The following LRRC7 variants were observed in gnomAD, a reference collection of about 807,000 sequenced individuals.
The protein encoded by LRRC7 is leucine rich repeat containing 7, also known as leucine-rich repeat-containing protein 7.
LRRC7 carries 23 observed loss-of-function variants against 175.7 expected under a neutral mutation model. That is an observed-to-expected ratio of 0.13 (90% confidence interval 0.09 to 0.19). The LOEUF (loss-of-function observed/expected upper bound fraction) is 0.19. LRRC7 is among the 10% of genes least tolerant of loss of function. LRRC7 has a pLI of 1.00. For synonymous variants in LRRC7, 685 were observed against 680.9 expected, an observed-to-expected ratio of 1.01 and a Z score of -0.09; for missense variants, 1,354 against 1,904.7, an observed-to-expected ratio of 0.71 and a Z score of 5.38.
chr1:69,694,423 G>A (rs1662293941), intron 2 of LRRC7, among the ~76,000 whole-genome samples: 1 of 152,084 alleles, frequency 6.6e-6, no homozygotes, highest in Admixed American at 6.5e-5. Context: ...GATTTTCCCT[G>A]ATTTTTTTCT....
At chr1:69,804,027 T>C (rs1417901949) in intron 4 of LRRC7, among the ~76,000 whole-genome samples, 1 of 151,370 alleles carries the variant, frequency 6.6e-6, no homozygotes, top group Non-Finnish European at 1.5e-5. Context: ...AATTTCTACT[T>C]TCTACTGCAG....
chr1:69,821,338 G>A (rs982546641), intron 4 of LRRC7, among the ~76,000 whole-genome samples: 1 of 151,752 alleles, frequency 6.6e-6, no homozygotes, highest in African/African-American at 2.4e-5. Flanking sequence ...TTTAGCATTT[G>A]TTTTTCCTGC....
chr1:69,631,507 G>C (rs1488324328), intron 1 of LRRC7, among the ~76,000 whole-genome samples: 1 of 152,014 alleles, frequency 6.6e-6, no homozygotes, highest in Non-Finnish European at 1.5e-5. Flanking sequence ...TGTGGATGGG[G>C]GTGATGTTCT....
chr1:69,783,320 C>A (rs972820089), intron 3 of LRRC7, among the ~76,000 whole-genome samples: 1 of 152,142 alleles, frequency 6.6e-6, no homozygotes, highest in African/African-American at 2.4e-5. Context: ...ATTCTGGTGA[C>A]CCAGCTAGAG....
At chr1:69,980,305 A>G in intron 8 of LRRC7, 74 bp from the exon 9 acceptor site, 4 of 1,219,136 alleles carry the variant, frequency 3.3e-6, no homozygotes, top group South Asian at 1.2e-5. Context: ...AAGAAATTAC[A>G]TCTTATGTTT....
intron 8 of LRRC7, among the ~76,000 whole-genome samples, chr1:69,954,106 T>C (rs935985710): frequency 2.6e-5 from 4 of 152,028 alleles, no homozygotes; most frequent in African/African-American, 9.7e-5. Flanking sequence ...GGGTGACTTA[T>C]GACTGGGGTA....
chr1:69,947,108 A>T lies in LRRC7; in HGVS notation c.711+15538A>T, dbSNP rs572874313. 4.8e-5 allele frequency among the ~76,000 whole-genome samples: 7 copies of T among 147,122 alleles called. No homozygotes were observed. The South Asian group carries it at 6.6e-4, about 14-fold the overall frequency. The stretch of plus-strand genomic sequence containing the variant: ...GAGCAACAGAGTGAGACTGTGTCTC[A>T]AAATAAATAAATAAATAAATAAATA... On this transcript the variant is annotated intron_variant, in intron 8 of 26. Transcript: ENST00000651989.
intron 7 of LRRC7, among the ~76,000 whole-genome samples, chr1:69,872,992 C>T (rs961123961): frequency 2.0e-5 from 3 of 152,100 alleles, no homozygotes; most frequent in African/African-American, 7.2e-5. Flanking sequence ...TTGTCATTTT[C>T]AGAGAGTGTA....
intron 1 of LRRC7, among the ~76,000 whole-genome samples, chr1:69,642,824 A>ATAGG (rs1654425911): frequency 6.6e-6 from 1 of 151,734 alleles, no homozygotes; most frequent in South Asian, 2.1e-4. Context: ...AGATAGATAG[A>ATAGG]TAGATAGATA....
Position 69,999,866 on chromosome 1 carries a change from G to A in LRRC7, c.1004+5233G>A, listed in dbSNP as rs147809359. ...AGAAATAGAGTATCTAAAAGTGTGG[G>A]ACCATAGGCCCAGGTCTTCTTCTGT... On this transcript the variant is annotated intron_variant, in intron 11 of 26. Transcript: ENST00000651989. Among the ~76,000 whole-genome samples, 140 of 152,186 alleles carry A rather than the reference G, an allele frequency of 9.2e-4. 2 individuals are homozygous for A. In the Middle Eastern group the frequency reaches 0.068, roughly 74 times the overall value.
At chr1:69,770,154 A>T (rs923436023) in intron 3 of LRRC7, among the ~76,000 whole-genome samples, 2 of 152,200 alleles carry the variant, frequency 1.3e-5, no homozygotes, top group African/African-American at 4.8e-5. Flanking sequence ...TGCTGCCTCC[A>T]CAATGTACAA....
intron 1 of LRRC7, among the ~76,000 whole-genome samples, chr1:69,660,676 G>A (rs1167995335): frequency 1.3e-5 from 2 of 152,052 alleles, no homozygotes; most frequent in East Asian, 3.9e-4. Context: ...AAAGGCCTAA[G>A]GTGGGAGAAT....
intron 4 of LRRC7, among the ~76,000 whole-genome samples, chr1:69,797,678 G>T (rs1041197368): frequency 2.8e-4 from 42 of 152,094 alleles, no homozygotes; most frequent in African/African-American, 9.6e-4. Flanking sequence ...CCTCCTAACT[G>T]GTCTCATCTC....
chr1:69,975,287 C>G (rs539746419), intron 8 of LRRC7, among the ~76,000 whole-genome samples: 1 of 152,288 alleles, frequency 6.6e-6, no homozygotes, highest in Non-Finnish European at 1.5e-5. Flanking sequence ...CCCACAGCAT[C>G]CTCACCCACC....
intron 1 of LRRC7, among the ~76,000 whole-genome samples, chr1:69,675,080 A>G (rs551025080): frequency 1.4e-3 from 207 of 152,298 alleles, no homozygotes; most frequent in Non-Finnish European, 2.6e-3. Context: ...TCATCCTTTA[A>G]GAAACAAAAA....
intron 7 of LRRC7, among the ~76,000 whole-genome samples, chr1:69,858,520 GTCTCTT>G (rs1166924353): frequency 6.6e-6 from 1 of 151,470 alleles, no homozygotes; most frequent in East Asian, 1.9e-4. Flanking sequence ...ATACTAGAAG[GTCTCTT>G]TCTCTTTTTC....
At chr1:69,781,846 G>GAA (rs1436757496) in intron 3 of LRRC7, among the ~76,000 whole-genome samples, 35 of 83,282 alleles carry the variant, frequency 4.2e-4, no homozygotes, top group African/African-American at 9.5e-4. Context: ...AGGAAGGAAG[G>GAA]GAGAGAAAGA....
chr1:69,811,152 A>C (rs1324232174), intron 4 of LRRC7, among the ~76,000 whole-genome samples: 1 of 152,226 alleles, frequency 6.6e-6, no homozygotes. Context: ...TTATGCAGCC[A>C]ACAAACATAT....
At chr1:70,012,575 G>A (rs927660955) in intron 12 of LRRC7, among the ~76,000 whole-genome samples, 1 of 151,646 alleles carries the variant, frequency 6.6e-6, no homozygotes, top group African/African-American at 2.4e-5. Context: ...TTAATGTGAA[G>A]CAAAACTAAC....
Sources: allele counts gnomAD v4.1 joint callset (sites outside exome capture counted in the v4.1 genomes callset), GRCh38; gene constraint gnomAD v4.1.1; transcripts MANE v1.5; gene names NCBI Gene and HGNC (gene_info 2026-07-23, HGNC 2026-07-21).